KCNQ5: variants seen among roughly 807,000 people sequenced by gnomAD.
KCNQ5 encodes the protein potassium voltage-gated channel subfamily KQT member 5.
KCNQ5 carries 30 observed loss-of-function variants against 98.2 expected under a neutral mutation model. The observed-to-expected ratio is 0.31, with a 90% CI of 0.23 to 0.41. KCNQ5 has a LOEUF of 0.41. KCNQ5 is among the 10% of genes least tolerant of loss of function. The pLI is 1.00. For missense variants in KCNQ5, 835 were observed against 1,182.5 expected (o/e 0.71, Z 4.31); for synonymous variants, 458 against 449.4 (o/e 1.02, Z -0.24).
intron 1 of KCNQ5, among the ~76,000 whole-genome samples, chr6:72,899,017 AG>A (rs1262643616): frequency 2.0e-5 from 3 of 152,018 alleles, no homozygotes; most frequent in African/African-American, 7.2e-5. Context: ...AGTTTTTGAT[AG>A]GGTTCTTTGT....
At chr6:72,938,242 C>T (rs1766038727) in intron 1 of KCNQ5, among the ~76,000 whole-genome samples, 1 of 152,054 alleles carries the variant, frequency 6.6e-6, no homozygotes, top group Admixed American at 6.6e-5. Flanking sequence ...TTCATGGTTG[C>T]CTAAGCCTGG....
chr6:72,954,324 AGCCAGAG>A (rs781378456), intron 1 of KCNQ5, among the ~76,000 whole-genome samples: 29 of 152,096 alleles, frequency 1.9e-4, no homozygotes, highest in Non-Finnish European at 4.0e-4. Flanking sequence ...CAGGAGGAGG[AGCCAGAG>A]GCTTGGTAGG....
At chr6:72,969,405 T>C (rs2150281323) in intron 1 of KCNQ5, among the ~76,000 whole-genome samples, 1 of 152,290 alleles carries the variant, frequency 6.6e-6, no homozygotes, top group Admixed American at 6.5e-5. Context: ...TGAAATTCAG[T>C]TGTTTCTGAC....
chr6:73,159,846 T>C (rs1777538549), intron 10 of KCNQ5, among the ~76,000 whole-genome samples: 2 of 152,214 alleles, frequency 1.3e-5, no homozygotes, highest in Admixed American at 1.3e-4. Flanking sequence ...ATTTTTGGCA[T>C]TGTAATTTAG....
Position 73,130,395 on chromosome 6 carries a change from C to T in KCNQ5, c.1248-3026C>T, listed in dbSNP as rs1007058829. 2.6e-5 allele frequency among the ~76,000 whole-genome samples: 4 copies of T among 152,274 alleles called. No homozygotes were observed. The South Asian group carries it at 8.3e-4, about 32-fold the overall frequency. On this transcript the variant is annotated intron_variant, in intron 9 of 13. Transcript: ENST00000370398. ...AATTCTCTCTTGCAGGGTGACAGTGCAGGCTCTGCTGAGCATGGTCCTCAG... is the reference window on the plus strand; with the variant it reads ...AATTCTCTCTTGCAGGGTGACAGTGTAGGCTCTGCTGAGCATGGTCCTCAG...
intron 7 of KCNQ5, among the ~76,000 whole-genome samples, chr6:73,119,012 C>A (rs1468319761): frequency 6.6e-6 from 1 of 152,112 alleles, no homozygotes; most frequent in Non-Finnish European, 1.5e-5. Context: ...CAGAGGGAGA[C>A]CCTGTCTCAA....
intron 1 of KCNQ5, among the ~76,000 whole-genome samples, chr6:72,918,233 A>G (rs1780247884): frequency 6.6e-6 from 1 of 152,082 alleles, no homozygotes; most frequent in African/African-American, 2.4e-5. Context: ...ACAGTAGCAT[A>G]TTAGGATCTC....
intron 1 of KCNQ5, among the ~76,000 whole-genome samples, chr6:72,815,026 G>A (rs1775436305): frequency 6.6e-6 from 1 of 152,180 alleles, no homozygotes; most frequent in Non-Finnish European, 1.5e-5. Context: ...GTAAGGGAGT[G>A]GAGAAGTGGA....
intron 1 of KCNQ5, among the ~76,000 whole-genome samples, chr6:72,772,041 AACTT>A (rs1202832543): frequency 6.6e-6 from 1 of 152,108 alleles, no homozygotes; most frequent in Admixed American, 6.6e-5. Context: ...TTGCCTTAAG[AACTT>A]ACTTTATATA....
intron 11 of KCNQ5, among the ~76,000 whole-genome samples, chr6:73,180,195 C>G (rs551674868): frequency 3.3e-5 from 5 of 152,276 alleles, no homozygotes; most frequent in African/African-American, 1.2e-4. Flanking sequence ...GACCAAGGAC[C>G]AAATGATCAT....
In KCNQ5 at chr6:72,666,549, T is replaced by A. The variant is rs543321850; in HGVS notation, c.398+43962T>A. On this transcript the variant is annotated intron_variant, in intron 1 of 13. Coordinates refer to ENST00000370398, the MANE Select transcript of KCNQ5 (RefSeq NM_019842.4). ...GAATCTCATCTGTGCCTTTAAAAAA[T>A]TATTTAATTTCTTTTTAAATGACTT... 6.0e-4 allele frequency among the ~76,000 whole-genome samples: 92 copies of A among 152,260 alleles called. 1 individual carries two copies. Among genetic ancestry groups the A allele is most frequent in the African/African-American group, 2.1e-3 (89 of 41,578 alleles).
intron 1 of KCNQ5, among the ~76,000 whole-genome samples, chr6:72,785,677 C>T (rs763117038): frequency 1.3e-5 from 2 of 151,368 alleles, no homozygotes; most frequent in Non-Finnish European, 2.9e-5. Context: ...AACAAACAAA[C>T]ACAAAACAAA....
intron 1 of KCNQ5, among the ~76,000 whole-genome samples, chr6:72,819,307 C>G (rs1378338843): frequency 1.3e-5 from 2 of 152,010 alleles, no homozygotes; most frequent in Admixed American, 1.3e-4. Flanking sequence ...TACAAGAAAT[C>G]CAACTACATT....
At chr6:73,155,376 GCA>G (rs1317245825) in intron 10 of KCNQ5, among the ~76,000 whole-genome samples, 1 of 152,164 alleles carries the variant, frequency 6.6e-6, no homozygotes, top group Non-Finnish European at 1.5e-5. Flanking sequence ...CACAAATTCA[GCA>G]CCTAGAAATT....
At chr6:72,778,949 A>G (rs925309806) in intron 1 of KCNQ5, among the ~76,000 whole-genome samples, 1 of 152,200 alleles carries the variant, frequency 6.6e-6, no homozygotes, top group Non-Finnish European at 1.5e-5. Context: ...AATGAAGAGG[A>G]CAAAGGTAAC....
intron 8 of KCNQ5, among the ~76,000 whole-genome samples, chr6:73,122,355 A>C (rs772712972): frequency 6.6e-6 from 1 of 152,138 alleles, no homozygotes. Context: ...GCCTGGAAAA[A>C]CTGTTTAATA....
At chr6:72,822,790 A>G (rs188862568) in intron 1 of KCNQ5, among the ~76,000 whole-genome samples, 416 of 152,320 alleles carry the variant, frequency 2.7e-3, no homozygotes, top group Middle Eastern at 6.8e-3. Flanking sequence ...CCAGAAATCC[A>G]AAATAGGTCA....
intron 1 of KCNQ5, among the ~76,000 whole-genome samples, chr6:72,966,156 C>G (rs1348315480): frequency 1.3e-5 from 2 of 152,158 alleles, no homozygotes; most frequent in African/African-American, 4.8e-5. Context: ...TTGTTGCTGT[C>G]TCATAAATAT....
intron 1 of KCNQ5, among the ~76,000 whole-genome samples, chr6:72,865,270 T>G (rs1447418396): frequency 6.6e-6 from 1 of 152,228 alleles, no homozygotes; most frequent in African/African-American, 2.4e-5. Context: ...ATGTTCTGCG[T>G]ATAGACTCTA....
Sources: gnomAD v4.1 joint callset for allele counts (sites outside exome capture counted in the v4.1 genomes callset) on GRCh38, gnomAD v4.1.1 for gene constraint, MANE v1.5 for transcripts, NCBI Gene and HGNC (gene_info 2026-07-23, HGNC 2026-07-21) for gene names.